Variants in RAI14 observed in about 807,000 individuals in gnomAD.
RAI14 encodes retinoic acid induced 14.
In RAI14, 45 loss-of-function variants were observed where a neutral mutation model predicts 115.4. The observed-to-expected ratio is 0.39, with a 90% CI of 0.31 to 0.50. The LOEUF is 0.50. RAI14 is among the 20% of genes least tolerant of loss of function. The probability of loss-of-function intolerance (pLI) is 0.85; values close to 1 mark genes in which losing one functional copy is unlikely to be tolerated. For missense variants in RAI14, 939 were observed against 1,131.2 expected, an observed-to-expected ratio of 0.83 and a Z score of 2.44; for synonymous variants, 371 against 415.4, an observed-to-expected ratio of 0.89 and a Z score of 1.30.
At chr5:34,817,418 C>A (rs1467894261) in intron 12 of RAI14, among the ~76,000 whole-genome samples, 1 of 152,046 alleles carries the variant, frequency 6.6e-6, no homozygotes, top group East Asian at 1.9e-4. Flanking sequence ...ATAACTATTA[C>A]CAGTTTGGAA....
At position 34,831,948 on chromosome 5, in the gene RAI14, A is replaced by G. The variant is rs1160032677; in HGVS notation, c.*1183A>G. The G allele has an allele frequency of 6.6e-6, 1 of 152,190 alleles. No homozygotes were observed. The highest frequency in any genetic ancestry group is 2.4e-5 in the African/African-American group (1 of 41,454). 9.4% of individuals were successfully genotyped at this position (152,190 alleles called of 1,614,324 possible). A position where few individuals can be genotyped will look rare whatever the true frequency, so the allele number is the denominator to read the frequency against. ...AATGATCTCTAGAAGGACTGTTAGT[A>G]CCAATCTGTTTTTCAACTTTGAAGC... On this transcript the variant is annotated 3_prime_UTR_variant, in exon 18 of 18. Coordinates refer to ENST00000265109, the MANE Select transcript of RAI14 (RefSeq NM_015577.3).
At chr5:34,751,698 T>C (rs1747046290) in intron 2 of RAI14, among the ~76,000 whole-genome samples, 1 of 152,254 alleles carries the variant, frequency 6.6e-6, no homozygotes, top group African/African-American at 2.4e-5. Flanking sequence ...TTGGGTTATT[T>C]GTAATTCTTG....
At chr5:34,770,048 AC>A (rs1338207845) in intron 3 of RAI14, among the ~76,000 whole-genome samples, 3 of 152,044 alleles carry the variant, frequency 2.0e-5, no homozygotes, top group African/African-American at 7.3e-5. Flanking sequence ...ACTTCTTTCT[AC>A]TGTGCCAGTG....
At chr5:34,663,350 C>A (rs1742848074) in intron 1 of RAI14, among the ~76,000 whole-genome samples, 1 of 151,912 alleles carries the variant, frequency 6.6e-6, no homozygotes, top group South Asian at 2.1e-4. Context: ...AACTTTGTCT[C>A]TAAAAAAATA....
intron 2 of RAI14, among the ~76,000 whole-genome samples, chr5:34,742,486 A>T (rs529215175): frequency 1.3e-5 from 2 of 152,288 alleles, no homozygotes; most frequent in South Asian, 4.2e-4. Context: ...GCCTTGAGCC[A>T]TATTCTTTGA....
At chr5:34,730,339 T>C (rs1332582888) in intron 2 of RAI14, among the ~76,000 whole-genome samples, 1 of 152,200 alleles carries the variant, frequency 6.6e-6, no homozygotes, top group Non-Finnish European at 1.5e-5. Flanking sequence ...TTGAGTTAAA[T>C]AAGTATAAAA....
intron 1 of RAI14, among the ~76,000 whole-genome samples, chr5:34,679,799 CTT>C (rs899176420): frequency 1.2e-4 from 19 of 152,236 alleles, no homozygotes; most frequent in African/African-American, 4.6e-4. Flanking sequence ...AACCTTAGTG[CTT>C]TTCTCTTGTA....
intron 2 of RAI14, among the ~76,000 whole-genome samples, chr5:34,736,339 G>T (rs1389201041): frequency 1.3e-5 from 2 of 152,208 alleles, no homozygotes; most frequent in Non-Finnish European, 2.9e-5. Context: ...GGCGGAGGTT[G>T]CAGTGAGCCG....
intron 1 of RAI14, among the ~76,000 whole-genome samples, chr5:34,676,635 C>T (rs2149864451): frequency 6.6e-6 from 1 of 152,292 alleles, no homozygotes; most frequent in South Asian, 2.1e-4. Flanking sequence ...GTCAGTGCCG[C>T]TGGCTCTGGC....
At position 34,829,793 on chromosome 5, in the gene RAI14, T is replaced by C; in HGVS notation, c.2861T>C (p.Val954Ala). The C allele has an allele frequency of 6.2e-7, 1 of 1,610,108 alleles. No homozygotes were observed. The highest frequency in any genetic ancestry group is 1.3e-5 in the African/African-American group (1 of 74,912). ...SVYRMHLLYA[V>A]QGQMDEDVQK... is the part of the protein sequence containing the mutation. Reference sequence around the variant, plus strand: ...TACAGAATGCATCTTCTGTATGCTGTGCAGGTATGGTTATGCCCCTTGAAG... The same window carrying C: ...TACAGAATGCATCTTCTGTATGCTGCGCAGGTATGGTTATGCCCCTTGAAG... The change falls in exon 17 of 18, where the codon GTG (valine) becomes GCG (alanine). Residue 954 changes from valine to alanine, a missense_variant. Transcript: ENST00000265109.
chr5:34,697,391 G>A (rs1049643187), intron 2 of RAI14, among the ~76,000 whole-genome samples: 20 of 150,434 alleles, frequency 1.3e-4, no homozygotes, highest in Admixed American at 2.0e-4. Context: ...ACCCAAGATC[G>A]TGCCATTGCA....
At chr5:34,689,822 G>A (rs1738347276) in intron 2 of RAI14, among the ~76,000 whole-genome samples, 1 of 152,154 alleles carries the variant, frequency 6.6e-6, no homozygotes, top group African/African-American at 2.4e-5. Flanking sequence ...TGGTGAGCAA[G>A]AGATCACGCC....
rs749407196 is a variant in RAI14, at chr5:34,821,781, T to G, written c.1044T>G (p.Leu348=). The G allele has an allele frequency of 3.1e-6, 5 of 1,612,564 alleles. No homozygotes were observed. The Admixed American group carries it at 8.3e-5, about 27-fold the overall frequency. Residue 348 remains leucine (L), a synonymous_variant, in exon 14 of 18, where the codon CTT becomes CTG. Transcript: ENST00000265109. ...GTTCTGAAGCTGACCAACAAGATCTTCTCTCTCTATTGCAAGCAAAAGTTG... is the reference window on the plus strand; with the variant it reads ...GTTCTGAAGCTGACCAACAAGATCTGCTCTCTCTATTGCAAGCAAAAGTTG... ...DISSEADQQD[L]LSLLQAKVAS... is the part of the protein sequence containing the mutation.
At chr5:34,815,430 G>A (rs1756115917) in intron 12 of RAI14, among the ~76,000 whole-genome samples, 1 of 152,024 alleles carries the variant, frequency 6.6e-6, no homozygotes, top group African/African-American at 2.4e-5. Context: ...GGGCCTGGTG[G>A]CAGGCACCTG....
chr5:34,714,038 A>T (rs1350419983), intron 2 of RAI14, among the ~76,000 whole-genome samples: 1 of 150,796 alleles, frequency 6.6e-6, no homozygotes, highest in Non-Finnish European at 1.5e-5. Flanking sequence ...TCCTGACCTC[A>T]TGATCTGCCC....
intron 1 of RAI14, among the ~76,000 whole-genome samples, chr5:34,661,087 CAGA>C (rs1389492509): frequency 1.3e-5 from 2 of 152,146 alleles, no homozygotes; most frequent in Non-Finnish European, 2.9e-5. Flanking sequence ...TGCTTGGGAC[CAGA>C]AGTGTTTCAG....
chr5:34,822,664 C>CTTTTTTTTTTTT (rs143092935), intron 14 of RAI14, among the ~76,000 whole-genome samples: 2 of 47,534 alleles, frequency 4.2e-5, no homozygotes, highest in Non-Finnish European at 4.1e-5. Flanking sequence ...CCTTTGGTAT[C>CTTTTTTTTTTTT]TTTTTTTTTT....
intron 1 of RAI14, among the ~76,000 whole-genome samples, chr5:34,665,407 A>G (rs576360699): frequency 6.6e-6 from 1 of 150,710 alleles, no homozygotes; most frequent in East Asian, 1.9e-4. Flanking sequence ...GAAAACAGGC[A>G]GTGTTAACTG....
At chr5:34,669,132 G>A (rs154121) in intron 1 of RAI14, among the ~76,000 whole-genome samples, 51,946 of 152,148 alleles carry the variant, frequency 0.34, 10,373 homozygotes, top group South Asian at 0.62. Flanking sequence ...TGGGATTACA[G>A]GCGTGAGCCA....
Sources: allele counts gnomAD v4.1 joint callset (sites outside exome capture counted in the v4.1 genomes callset), GRCh38; gene constraint gnomAD v4.1.1; transcripts MANE v1.5; gene names NCBI Gene and HGNC (gene_info 2026-07-23, HGNC 2026-07-21).